TUNAR: variants seen among roughly 807,000 people sequenced by gnomAD.
TUNAR encodes protein TUNAR.
intron 2 of TUNAR, among the ~76,000 whole-genome samples, chr14:95,899,794 A>C (rs1297791412): frequency 6.6e-6 from 1 of 152,152 alleles, no homozygotes; most frequent in Non-Finnish European, 1.5e-5. Flanking sequence ...CTCCTTCCAA[A>C]GGCCCTGCTT....
intron 2 of TUNAR, among the ~76,000 whole-genome samples, chr14:95,912,879 C>T (rs1180613782): frequency 1.3e-5 from 2 of 152,134 alleles, no homozygotes; most frequent in African/African-American, 4.8e-5. Context: ...CAGGCTCCAT[C>T]TCCCAGGTTG....
At chr14:95,911,846 A>C (rs1031717478) in intron 2 of TUNAR, among the ~76,000 whole-genome samples, 1 of 152,222 alleles carries the variant, frequency 6.6e-6, no homozygotes, top group African/African-American at 2.4e-5. Flanking sequence ...TTTGACAAAC[A>C]AGTTGGTACT....
intron 2 of TUNAR, among the ~76,000 whole-genome samples, chr14:95,921,953 C>A (rs1188036940): frequency 6.6e-6 from 1 of 152,064 alleles, no homozygotes; most frequent in Non-Finnish European, 1.5e-5. Flanking sequence ...ATTGTAGAGA[C>A]TGACCACCAC....
chr14:95,888,227 T>G (rs1889109285), intron 2 of TUNAR, among the ~76,000 whole-genome samples: 1 of 152,226 alleles, frequency 6.6e-6, no homozygotes, highest in South Asian at 2.1e-4. Context: ...TGATTAATAT[T>G]TGCTGGGTGC....
At chr14:95,892,684 T>C (rs1889201411) in intron 2 of TUNAR, among the ~76,000 whole-genome samples, 1 of 152,238 alleles carries the variant, frequency 6.6e-6, no homozygotes, top group African/African-American at 2.4e-5. Flanking sequence ...GGAGCTGCCA[T>C]GTTTCTGCAG....
At position 95,923,089 on chromosome 14, in the gene TUNAR, A is replaced by G. The variant is rs536929391; in HGVS notation, c.*123A>G. 1.7e-4 allele frequency: 69 copies of G among 397,132 alleles called. 1 individual carries two copies. The highest frequency in any genetic ancestry group is 1.1e-3 in the Admixed American group (24 of 22,702). The allele number at this position is 397,132 out of a possible 1,614,324, so 24.6% of individuals were successfully genotyped here. ...TGACCCGCACATACCACCCAATCAA[A>G]TGCACCTTCAAACTTTACAAAAGGT... On this transcript the variant is annotated 3_prime_UTR_variant, in exon 3 of 3. Transcript: ENST00000678517.
At chr14:95,915,534 G>A (rs79896853) in intron 2 of TUNAR, among the ~76,000 whole-genome samples, 3,651 of 152,280 alleles carry the variant, frequency 0.024, 134 homozygotes, top group African/African-American at 0.082. Flanking sequence ...GCCTCCATTA[G>A]GAAGGGTAAT....
At chr14:95,893,976 A>G (rs561740030) in intron 2 of TUNAR, among the ~76,000 whole-genome samples, 3 of 152,314 alleles carry the variant, frequency 2.0e-5, no homozygotes, top group African/African-American at 7.2e-5. Context: ...ACCCAGAGCC[A>G]CTCTGGCTAA....
At chr14:95,883,811 C>T (rs1052448808) in intron 2 of TUNAR, among the ~76,000 whole-genome samples, 1 of 152,184 alleles carries the variant, frequency 6.6e-6, no homozygotes, top group Non-Finnish European at 1.5e-5. Context: ...CCAGGGACCA[C>T]TTCCATGGAA....
intron 2 of TUNAR, among the ~76,000 whole-genome samples, chr14:95,919,518 A>C (rs1889657482): frequency 6.6e-6 from 1 of 151,662 alleles, no homozygotes; most frequent in Admixed American, 6.6e-5. Flanking sequence ...AGACCAGCCT[A>C]GCAACATAGT....
At chr14:95,908,014 A>C (rs146581714) in intron 2 of TUNAR, among the ~76,000 whole-genome samples, 1,673 of 152,250 alleles carry the variant, frequency 0.011, 33 homozygotes, top group African/African-American at 0.038. Flanking sequence ...TGGAAAAGGC[A>C]CCACAAGTCC....
intron 2 of TUNAR, among the ~76,000 whole-genome samples, chr14:95,922,032 C>T (rs960745788): frequency 2.6e-5 from 4 of 152,112 alleles, no homozygotes. Context: ...CAGATGAAGC[C>T]CATGGGAGCA....
chr14:95,918,262 A>G (rs1889637640), intron 2 of TUNAR, among the ~76,000 whole-genome samples: 1 of 152,224 alleles, frequency 6.6e-6, no homozygotes, highest in Non-Finnish European at 1.5e-5. Flanking sequence ...AGTTGCAAAC[A>G]TTCCCGTTAC....
exon 3 of TUNAR, chr14:95,925,172 C>T (rs1889767232): frequency 1.3e-5 from 2 of 152,326 alleles, no homozygotes; most frequent in East Asian, 3.9e-4. Flanking sequence ...AGTCTTTTCT[C>T]CACATTGTAG....
At chr14:95,890,861 TC>T (rs2139656696) in intron 2 of TUNAR, among the ~76,000 whole-genome samples, 1 of 152,350 alleles carries the variant, frequency 6.6e-6, no homozygotes, top group Non-Finnish European at 1.5e-5. Context: ...TTCTTGGTTT[TC>T]CCATTTCACC....
intron 2 of TUNAR, among the ~76,000 whole-genome samples, chr14:95,894,722 C>T (rs922850804): frequency 6.6e-6 from 1 of 152,202 alleles, no homozygotes; most frequent in African/African-American, 2.4e-5. Context: ...GCAAGCTCTC[C>T]CACAGGTCAG....
At chr14:95,922,392 G>A (rs80035707) in intron 2 of TUNAR, among the ~76,000 whole-genome samples, 17 of 152,284 alleles carry the variant, frequency 1.1e-4, no homozygotes, top group East Asian at 7.7e-4. Context: ...TGTTTCTTGC[G>A]TGTAACCCAA....
intron 2 of TUNAR, among the ~76,000 whole-genome samples, chr14:95,913,922 G>C (rs886181597): frequency 6.6e-6 from 1 of 152,150 alleles, no homozygotes; most frequent in Non-Finnish European, 1.5e-5. Flanking sequence ...TAGTAGAGAC[G>C]GGGTTTCACC....
chr14:95,900,854 C>T (rs1339935089), intron 2 of TUNAR, among the ~76,000 whole-genome samples: 1 of 152,178 alleles, frequency 6.6e-6, no homozygotes, highest in Non-Finnish European at 1.5e-5. Context: ...TTCTCCACAT[C>T]GCCATTTTGT....
Sources: gnomAD v4.1 joint callset for allele counts (sites outside exome capture counted in the v4.1 genomes callset) on GRCh38, gnomAD v4.1.1 for gene constraint, MANE v1.5 for transcripts, NCBI Gene and HGNC (gene_info 2026-07-23, HGNC 2026-07-21) for gene names.